The following MYOF variants were observed in gnomAD, a reference collection of about 807,000 sequenced individuals.
MYOF encodes myoferlin.
MYOF carries 244 observed loss-of-function variants against 284.2 expected under a neutral mutation model. The ratio of observed to expected loss-of-function variants is 0.86; its 90% CI spans 0.77 to 0.95. The LOEUF (loss-of-function observed/expected upper bound fraction) is 0.95, where lower values mean the gene tolerates loss of function less well. MYOF is among the 40% of genes least tolerant of loss of function. The pLI, the probability that MYOF is intolerant of heterozygous loss-of-function variation, is 0.00. For missense variants in MYOF, 2,496 were observed against 2,560.6 expected (o/e 0.97, Z 0.54); for synonymous variants, 904 against 919.7 (o/e 0.98, Z 0.31).
intron 3 of MYOF, among the ~76,000 whole-genome samples, chr10:93,437,076 G>A (rs1849157118): frequency 6.6e-6 from 1 of 152,162 alleles, no homozygotes; most frequent in Admixed American, 6.5e-5. Context: ...AGCCAGTCAT[G>A]CTCCTTTGTC....
At chr10:93,338,975 T>A (rs573372469) in intron 39 of MYOF, among the ~76,000 whole-genome samples, 1 of 149,216 alleles carries the variant, frequency 6.7e-6, no homozygotes, top group East Asian at 2.0e-4. Context: ...CAGTAGAGCC[T>A]CTTGGGGGAA....
At chr10:93,346,630 A>G (rs1844195069) in intron 37 of MYOF, among the ~76,000 whole-genome samples, 1 of 152,250 alleles carries the variant, frequency 6.6e-6, no homozygotes, top group Non-Finnish European at 1.5e-5. Context: ...TTTACATATT[A>G]ATTATATGTG....
At chr10:93,464,950 A>G (rs2056968511) in intron 1 of MYOF, among the ~76,000 whole-genome samples, 1 of 152,124 alleles carries the variant, frequency 6.6e-6, no homozygotes. Flanking sequence ...AAAGCCCCAT[A>G]TGAATTCATC....
At chr10:93,468,038 C>T (rs953452222) in intron 1 of MYOF, among the ~76,000 whole-genome samples, 1 of 152,164 alleles carries the variant, frequency 6.6e-6, no homozygotes, top group Non-Finnish European at 1.5e-5. Context: ...ATAGGGTTTA[C>T]CATCTGCCAG....
intron 2 of MYOF, 64 bp from the exon 3 acceptor site, chr10:93,452,205 A>G: frequency 4.1e-6 from 4 of 968,728 alleles, no homozygotes; most frequent in Middle Eastern, 2.1e-4. Context: ...CAGAGATTAC[A>G]CTAAGATGCA....
chr10:93,373,175 G>A (rs1845669907), intron 23 of MYOF, 90 bp from the exon 24 acceptor site: 3 of 1,477,556 alleles, frequency 2.0e-6, no homozygotes, highest in Admixed American at 3.4e-5. Flanking sequence ...GGACCCTCAG[G>A]GATTCATTTA....
At chr10:93,424,407 G>A (rs975458990) in intron 5 of MYOF, among the ~76,000 whole-genome samples, 8 of 152,126 alleles carry the variant, frequency 5.3e-5, no homozygotes, top group African/African-American at 1.7e-4. Context: ...TGCCCCTGAT[G>A]GTGTTACTGG....
intron 48 of MYOF, 34 bp from the exon 49 acceptor site, chr10:93,320,047 G>T (rs201035088): frequency 6.2e-7 from 1 of 1,611,462 alleles, no homozygotes; most frequent in South Asian, 1.1e-5. Flanking sequence ...TTAGCTTCAC[G>T]TGATTGACAA....
chr10:93,361,329 G>T, intron 28 of MYOF, 123 bp downstream of exon 28: 1 of 877,848 alleles, frequency 1.1e-6, no homozygotes, highest in Non-Finnish European at 1.8e-6. Context: ...GTCTGGCCTG[G>T]GGGCTGGGGA....
chr10:93,312,851 T>C (rs1285640930), intron 51 of MYOF, among the ~76,000 whole-genome samples, 169 bp downstream of exon 51: 2 of 152,144 alleles, frequency 1.3e-5, no homozygotes, highest in South Asian at 2.1e-4. Flanking sequence ...CCACCTTATA[T>C]TGTAAGACAA....
At chr10:93,344,514 A>C (rs753860466) in intron 37 of MYOF, among the ~76,000 whole-genome samples, 10 of 152,050 alleles carry the variant, frequency 6.6e-5, no homozygotes, top group Non-Finnish European at 1.3e-4. Flanking sequence ...CCTACATCTA[A>C]AGGAGTCTTC....
At chr10:93,364,664 C>G (rs1272453192) in intron 26 of MYOF, among the ~76,000 whole-genome samples, 2 of 152,182 alleles carry the variant, frequency 1.3e-5, no homozygotes, top group African/African-American at 4.8e-5. Context: ...CATACTGACT[C>G]TCTGCCATGT....
chr10:93,408,360 T>C (rs1393131694), intron 7 of MYOF, among the ~76,000 whole-genome samples: 4 of 151,930 alleles, frequency 2.6e-5, no homozygotes, highest in Admixed American at 1.3e-4. Context: ...CTGACCAACA[T>C]AGTGAAACCT....
chr10:93,388,186 C>T (rs1846488573), intron 18 of MYOF, among the ~76,000 whole-genome samples: 1 of 140,898 alleles, frequency 7.1e-6, no homozygotes, highest in East Asian at 2.1e-4. Context: ...TCAAACCATG[C>T]TCTAGCTCCA....
intron 43 of MYOF, among the ~76,000 whole-genome samples, chr10:93,332,648 A>G (rs1191494261): frequency 6.6e-6 from 1 of 150,522 alleles, no homozygotes; most frequent in Non-Finnish European, 1.5e-5. Context: ...GATTGAGACC[A>G]CCCTGGCTAA....
In MYOF at chr10:93,386,592, A is replaced by G. The variant is rs561593581; in HGVS notation, c.1698+1205T>C. Among the ~76,000 whole-genome samples, 7 of 152,266 alleles carry G rather than the reference A, an allele frequency of 4.6e-5. No homozygotes were observed. The South Asian group carries it at 1.2e-3, about 27-fold the overall frequency. On this transcript the variant is annotated intron_variant, in intron 19 of 53. Coordinates refer to ENST00000359263, the MANE Select transcript of MYOF (RefSeq NM_013451.4). ...TCAGGAGCCTGCTCCTTTCCTCTCA[A>G]AGGAGGAGACAGGAATGAAATTGGT...
In MYOF at chr10:93,335,957, A is replaced by T. The variant is rs759798550; in HGVS notation, c.4527T>A (p.Asp1509Glu). 6.2e-7 allele frequency: 1 copy of T among 1,614,232 alleles called. No individual in the cohort carries two copies. Among genetic ancestry groups the T allele is most frequent in the Non-Finnish European group, 8.5e-7 (1 of 1,180,036 alleles). Residue 1509 changes from aspartate to glutamate, a missense_variant, in exon 41 of 54, where the codon GAT becomes GAA. Asp to Glu is a conservative substitution (Grantham distance 45). Around this residue, in one of 3 missense-constraint regions of MYOF, gnomAD observed 2,436 missense variants for 2,480.7 expected, o/e 0.98. Transcript: ENST00000359263. ...CAACCACAGAAGGATCTTCATTTTCATCCGACTTGCCTCGGTACAACTTGA... is the reference window on the plus strand; with the variant it reads ...CAACCACAGAAGGATCTTCATTTTCTTCCGACTTGCCTCGGTACAACTTGA... Reference protein sequence around the residue: ...DTFKLYRGKSDENEDPSVVGE... With the variant: ...DTFKLYRGKSEENEDPSVVGE...
At chr10:93,367,996 A>G (rs1845405970) in intron 25 of MYOF, among the ~76,000 whole-genome samples, 1 of 152,134 alleles carries the variant, frequency 6.6e-6, no homozygotes, top group South Asian at 2.1e-4. Flanking sequence ...GCTTCACTCT[A>G]TGCAGGGAAG....
At chr10:93,313,987 G>A (rs1227769329) in intron 50 of MYOF, among the ~76,000 whole-genome samples, 1 of 152,196 alleles carries the variant, frequency 6.6e-6, no homozygotes, top group Non-Finnish European at 1.5e-5. Flanking sequence ...AGAAACAGAA[G>A]CTTGAGAAGG....
Sources: gnomAD v4.1 joint callset for allele counts (sites outside exome capture counted in the v4.1 genomes callset) on GRCh38, gnomAD v4.1.1 for gene constraint, gnomAD v4.1.1 regional missense constraint, MANE v1.5 for transcripts, NCBI Gene and HGNC (gene_info 2026-07-23, HGNC 2026-07-21) for gene names.